Variants in SLC35B4 observed in about 807,000 individuals in gnomAD.
SLC35B4 encodes the protein solute carrier family 35 member B4.
SLC35B4 carries 28 observed loss-of-function variants against 39.5 expected under a neutral mutation model. The observed-to-expected ratio is 0.71, with a 90% confidence interval of 0.53 to 0.97. SLC35B4 has a LOEUF of 0.97. SLC35B4 is among the 50% of genes least tolerant of loss of function. The pLI is 0.00. For missense variants in SLC35B4, 334 were observed against 414.3 expected (o/e 0.81, Z 1.68); for synonymous variants, 145 against 150.4 (o/e 0.96, Z 0.26).
At chr7:134,301,217 A>G (rs900179183) in intron 6 of SLC35B4, among the ~76,000 whole-genome samples, 3 of 152,196 alleles carry the variant, frequency 2.0e-5, no homozygotes, top group Non-Finnish European at 4.4e-5. Flanking sequence ...TCTCAGCTCC[A>G]TATCAAAAAA....
chr7:134,306,831 G>A (rs1803720505), intron 2 of SLC35B4, 57 bp from the exon 3 acceptor site: 1 of 1,430,022 alleles, frequency 7.0e-7, no homozygotes, highest in Non-Finnish European at 9.7e-7. Context: ...AGAAAATCAA[G>A]TATAGGAAAT....
rs150005553 is a variant in SLC35B4 at position 134,292,256 on chromosome 7, ATTTT to A, written c.*2573_*2576del. 1 of 151,526 alleles carries A rather than the reference ATTTT, an allele frequency of 6.6e-6. No homozygotes were observed. Among genetic ancestry groups the A allele is most frequent in the African/African-American group, 2.4e-5 (1 of 41,048 alleles). The allele number at this position is 151,526 out of a possible 1,614,324, so 9.4% of individuals were successfully genotyped here. On this transcript the variant is annotated 3_prime_UTR_variant, in exon 10 of 10. Transcript: ENST00000378509. Reference sequence around the variant, plus strand: ...AAAATCAGTTAACCAAGGGGAACGTATTTTTTTTTTAAAGAGTAGTTTTAAAAAG... The same window carrying A: ...AAAATCAGTTAACCAAGGGGAACGTATTTTTTAAAGAGTAGTTTTAAAAAG...
chr7:134,309,250 C>G, intron 2 of SLC35B4, 116 bp downstream of exon 2: 3 of 593,054 alleles, frequency 5.1e-6, no homozygotes, highest in Admixed American at 3.5e-5. Context: ...TATTATTCTA[C>G]TGGTATCTTT....
In SLC35B4 at chr7:134,289,673, GCA is replaced by G. The variant is rs1803292762; in HGVS notation, c.*5158_*5159del. 6.6e-6 allele frequency: 1 copy of G among 152,422 alleles called. No individual in the cohort carries two copies. The highest frequency in any genetic ancestry group is 1.5e-5 in the Non-Finnish European group (1 of 68,006). 9.4% of individuals were successfully genotyped at this position (152,422 alleles called of 1,614,324 possible). ...CCATTCTCTGGAATGAAAGCAACTGGCACAGAAATGACTGGCAATCGCAAGTG... is the reference window on the plus strand; with the variant it reads ...CCATTCTCTGGAATGAAAGCAACTGGCAGAAATGACTGGCAATCGCAAGTG... On this transcript the variant is annotated 3_prime_UTR_variant, in exon 10 of 10. Coordinates refer to ENST00000378509, the MANE Select transcript of SLC35B4 (RefSeq NM_032826.5).
chr7:134,298,889 A>G (rs1803522915), intron 8 of SLC35B4, among the ~76,000 whole-genome samples: 1 of 152,258 alleles, frequency 6.6e-6, no homozygotes, highest in Non-Finnish European at 1.5e-5. Flanking sequence ...CAATGTGTCT[A>G]TATTATACTC....
Position 134,290,489 on chromosome 7 carries a change from T to C in SLC35B4, c.*4344A>G, listed in dbSNP as rs1803309630. ...CGATACAGAAATGAGTAAGACATGATCCCTGGCCCCTCCCATCCCTGGAAT... is the reference window on the plus strand; with the variant it reads ...CGATACAGAAATGAGTAAGACATGACCCCTGGCCCCTCCCATCCCTGGAAT... On this transcript the variant is annotated 3_prime_UTR_variant, in exon 10 of 10. Coordinates refer to ENST00000378509, the MANE Select transcript of SLC35B4 (RefSeq NM_032826.5). 1 of 152,096 alleles carries C rather than the reference T, an allele frequency of 6.6e-6. No homozygotes were observed. Among genetic ancestry groups the C allele is most frequent in the South Asian group, 2.1e-4 (1 of 4,824 alleles). 9.4% of individuals were successfully genotyped at this position (152,096 alleles called of 1,614,324 possible). A position where few individuals can be genotyped will look rare whatever the true frequency, so the allele number is the denominator to read the frequency against.
chr7:134,317,002 T>G, upstream of SLC35B4: 1 of 525,160 alleles, frequency 1.9e-6, no homozygotes, highest in Non-Finnish European at 3.4e-6. Context: ...AGACTACATG[T>G]CCCAGGATGC....
intron 9 of SLC35B4, 144 bp from the exon 10 acceptor site, chr7:134,295,223 G>T: frequency 9.7e-7 from 1 of 1,034,996 alleles, no homozygotes; most frequent in Non-Finnish European, 1.4e-6. Flanking sequence ...GCTCCTCCTG[G>T]GGAGAACCTG....
intron 9 of SLC35B4, chr7:134,295,317 T>A (rs879500806): frequency 6.4e-6 from 3 of 466,274 alleles, no homozygotes; most frequent in African/African-American, 2.0e-5. Context: ...TATGTTGGAG[T>A]CTTCCTATGG....
intron 1 of SLC35B4, among the ~76,000 whole-genome samples, chr7:134,314,724 C>CG (rs941922512): frequency 5.9e-5 from 9 of 151,930 alleles, no homozygotes; most frequent in South Asian, 2.1e-4. Context: ...TTAGTAGAGA[C>CG]GGGGTCTTAC....
At chr7:134,314,183 T>G (rs1258286113) in intron 1 of SLC35B4, among the ~76,000 whole-genome samples, 4 of 152,206 alleles carry the variant, frequency 2.6e-5, no homozygotes, top group African/African-American at 9.6e-5. Flanking sequence ...ATCTTTCTTT[T>G]ATATATTAAA....
rs1803356595 is a variant in SLC35B4 at position 134,292,566 on chromosome 7, G to A, written c.*2267C>T. The A allele has an allele frequency of 6.6e-6, 1 of 152,130 alleles. No individual in the cohort carries two copies. Among genetic ancestry groups the A allele is most frequent in the Admixed American group, 6.5e-5 (1 of 15,274 alleles). 9.4% of individuals were successfully genotyped at this position (152,130 alleles called of 1,614,324 possible). ...ATACCCAATGAAGAAAACTTGTAATGTTTTCATCAACATAAAATGGGTGAC... is the reference window on the plus strand; with the variant it reads ...ATACCCAATGAAGAAAACTTGTAATATTTTCATCAACATAAAATGGGTGAC... On this transcript the variant is annotated 3_prime_UTR_variant, in exon 10 of 10. Coordinates refer to ENST00000378509, the MANE Select transcript of SLC35B4 (RefSeq NM_032826.5).
At chr7:134,317,068 G>A (rs1804005511), upstream of SLC35B4, 2 of 345,826 alleles carry the variant, frequency 5.8e-6, no homozygotes, top group Non-Finnish European at 1.1e-5. Context: ...AGCTCCGCCA[G>A]AGAGGACAGG....
intron 9 of SLC35B4, among the ~76,000 whole-genome samples, chr7:134,295,375 G>A (rs57909076): frequency 0.02 from 3,048 of 151,952 alleles, 129 homozygotes; most frequent in African/African-American, 0.071. Context: ...TGACGCTCTC[G>A]GTAAGGGTGA....
intron 1 of SLC35B4, 42 bp from the exon 2 acceptor site, chr7:134,309,521 C>T (rs754607344): frequency 1.4e-5 from 19 of 1,380,172 alleles, no homozygotes; most frequent in Middle Eastern, 1.8e-4. Context: ...GGCACAAAAA[C>T]TGAGATACAG....
At chr7:134,315,227 C>T (rs1487910581) in intron 1 of SLC35B4, among the ~76,000 whole-genome samples, 1 of 152,162 alleles carries the variant, frequency 6.6e-6, no homozygotes, top group Admixed American at 6.5e-5. Flanking sequence ...CTGGCTCTGC[C>T]ACTTACAAGT....
At chr7:134,315,027 C>G (rs1454418559) in intron 1 of SLC35B4, among the ~76,000 whole-genome samples, 2 of 152,254 alleles carry the variant, frequency 1.3e-5, no homozygotes, top group East Asian at 1.9e-4. Flanking sequence ...CTTAACCCCA[C>G]ACAGAGTTTA....
intron 4 of SLC35B4, among the ~76,000 whole-genome samples, chr7:134,304,195 C>T (rs12112258): frequency 0.026 from 4,007 of 152,074 alleles, 115 homozygotes; most frequent in African/African-American, 0.067. Flanking sequence ...TTGAGACCAG[C>T]GGGGACAACA....
At chr7:134,295,205 G>C in intron 9 of SLC35B4, 126 bp from the exon 10 acceptor site, 1 of 1,212,520 alleles carries the variant, frequency 8.2e-7, no homozygotes, top group Non-Finnish European at 1.1e-6. Flanking sequence ...CGCTACGGCA[G>C]CTCTGAGGCT....
Sources: allele counts gnomAD v4.1 joint callset (sites outside exome capture counted in the v4.1 genomes callset), GRCh38; gene constraint gnomAD v4.1.1; transcripts MANE v1.5; gene names NCBI Gene and HGNC (gene_info 2026-07-23, HGNC 2026-07-21).